The following TLE2 variants were observed in gnomAD, a reference collection of about 807,000 sequenced individuals.
TLE2 encodes the protein transducin-like enhancer protein 2.
In TLE2, 74 loss-of-function variants were observed where a neutral mutation model predicts 97.2. The observed-to-expected ratio is 0.76, with a 90% confidence interval of 0.63 to 0.92. TLE2 has a LOEUF of 0.92. Ranked by LOEUF, TLE2 falls within the 40% of genes least tolerant of loss-of-function variation. The pLI, the probability that TLE2 is intolerant of heterozygous loss-of-function variation, is 0.00. For synonymous variants in TLE2, 499 were observed against 432.1 expected (o/e 1.15, Z -1.92); for missense variants, 1,038 against 1,008.7 (o/e 1.03, Z -0.39).
At chr19:3,033,279 TG>T (rs1410703165), upstream of TLE2, among the ~76,000 whole-genome samples, 2 of 152,118 alleles carry the variant, frequency 1.3e-5, no homozygotes, top group Non-Finnish European at 2.9e-5. Flanking sequence ...ACCATTCTCC[TG>T]CCTCAGCCTC....
At chr19:3,016,304 A>G (rs910055746) in intron 8 of TLE2, among the ~76,000 whole-genome samples, 4 of 148,278 alleles carry the variant, frequency 2.7e-5, no homozygotes, top group African/African-American at 7.4e-5. Context: ...GGCCGGGCGC[A>G]GTGGCTCACG....
At position 3,019,749 on chromosome 19, in the gene TLE2, C is replaced by T. The variant is rs367969324; in HGVS notation, c.319G>A (p.Val107Ile). The stretch of plus-strand genomic sequence containing the variant: ...ACGGTGACCTGCTTGGCGCGTTCTA[C>T]GGCCTGGAGCACCTGCTGCTGATGC... ...QEHQQQVLQAVERAKQVTVGE... is the reference protein window; with the variant it reads ...QEHQQQVLQAIERAKQVTVGE... Residue 107 changes from valine to isoleucine, a missense_variant, in exon 6 of 20, where the codon GTA (valine) becomes ATA (isoleucine). Coordinates refer to ENST00000262953, the MANE Select transcript of TLE2 (RefSeq NM_003260.5). The surrounding 1 kb of genome is among the most constrained non-coding windows in gnomAD (Gnocchi z 5.1). The T allele has an allele frequency of 2.5e-5, 40 of 1,612,972 alleles. No homozygotes were observed. Among genetic ancestry groups the T allele is most frequent in the East Asian group, 4.5e-5 (2 of 44,872 alleles).
chr19:3,044,308 C>G (rs373540128), intron 1 of TLE2, among the ~76,000 whole-genome samples: 1 of 152,194 alleles, frequency 6.6e-6, no homozygotes, highest in Non-Finnish European at 1.5e-5. Flanking sequence ...CTGGGTGTGC[C>G]GCCCCTTTGC....
rs2089997385 is a variant in TLE2, at chr19:3,029,184, C to A, written c.-280G>T. 31 of 713,730 alleles carry A rather than the reference C, an allele frequency of 4.3e-5. No individual in the cohort carries two copies. The highest frequency in any genetic ancestry group is 5.3e-5 in the Non-Finnish European group (31 of 585,050). 44.2% of individuals were successfully genotyped at this position (713,730 alleles called of 1,614,324 possible). A position where few individuals can be genotyped will look rare whatever the true frequency, so the allele number is the denominator to read the frequency against. On this transcript the variant is annotated 5_prime_UTR_variant, in exon 1 of 20. Coordinates refer to ENST00000262953, the MANE Select transcript of TLE2 (RefSeq NM_003260.5). ...GCGCGGCGAGGGCGGCCGCGGCAGC[C>A]GGCGCAGAAGGTCGGGCGCGCCGCG...
chr19:3,033,403 G>A (rs1157978684), upstream of TLE2, among the ~76,000 whole-genome samples: 1 of 151,940 alleles, frequency 6.6e-6, no homozygotes, highest in Non-Finnish European at 1.5e-5. Flanking sequence ...TCCTGACCTC[G>A]TGATCCGCCC....
At chr19:2,998,237 A>ATTG (rs1396605311) in intron 19 of TLE2, among the ~76,000 whole-genome samples, 1 of 121,406 alleles carries the variant, frequency 8.2e-6, no homozygotes, top group Non-Finnish European at 1.6e-5. Flanking sequence ...CGCCCGGCCA[A>ATTG]TGTGTGTGTG....
chr19:3,017,508 T>C (rs543172307), intron 8 of TLE2, among the ~76,000 whole-genome samples: 1 of 147,474 alleles, frequency 6.8e-6, no homozygotes, highest in African/African-American at 2.5e-5. Flanking sequence ...TGGAGTGCAG[T>C]GGCACGATCA....
At chr19:3,005,173 C>G (rs2089446363) in intron 17 of TLE2, among the ~76,000 whole-genome samples, 1 of 152,152 alleles carries the variant, frequency 6.6e-6, no homozygotes, top group Admixed American at 6.6e-5. Context: ...AAGGGTATGG[C>G]TGGACAAAAG....
chr19:3,017,596 A>G (rs2089739947), intron 8 of TLE2, among the ~76,000 whole-genome samples: 1 of 151,550 alleles, frequency 6.6e-6, no homozygotes, highest in Non-Finnish European at 1.5e-5. Context: ...CACAACAGGC[A>G]TGGACCACCA....
Position 3,019,865 on chromosome 19 carries a change from C to A in TLE2, c.295-92G>T. 6.8e-7 allele frequency: 1 copy of A among 1,465,464 alleles called. No individual in the cohort carries two copies. The highest frequency in any genetic ancestry group is 9.2e-7 in the Non-Finnish European group (1 of 1,081,488). 90.8% of individuals were successfully genotyped at this position (1,465,464 alleles called of 1,614,324 possible). On this transcript the variant is annotated intron_variant, in intron 5 of 19. Coordinates refer to ENST00000262953, the MANE Select transcript of TLE2 (RefSeq NM_003260.5). This position sits in a 1 kb window ranked among gnomAD's most constrained non-coding sequence, Gnocchi z 5.1. Reference sequence around the variant, plus strand: ...GGACCTGACCTCTCCCCGCCACCCTCTCATCTTTGCCCCGGTACTTCCCAT... The same window carrying A: ...GGACCTGACCTCTCCCCGCCACCCTATCATCTTTGCCCCGGTACTTCCCAT...
intron 1 of TLE2, among the ~76,000 whole-genome samples, chr19:3,036,016 C>T (rs907583146): frequency 1.3e-5 from 2 of 152,218 alleles, no homozygotes; most frequent in East Asian, 3.8e-4. Context: ...GCAGAGGTTG[C>T]ATCTTTCTCC....
chr19:3,029,564 G>T (rs1337468696), upstream of TLE2: 2 of 801,468 alleles, frequency 2.5e-6, no homozygotes, highest in Non-Finnish European at 3.0e-6. Flanking sequence ...GGAGCGGGGG[G>T]GGGGGCTTGC....
chr19:3,013,920 T>C, intron 10 of TLE2, 102 bp from the exon 11 acceptor site: 1 of 1,133,608 alleles, frequency 8.8e-7, no homozygotes, highest in South Asian at 3.3e-5. Flanking sequence ...CTAGAATGGG[T>C]ACCCATGACC....
intron 11 of TLE2, among the ~76,000 whole-genome samples, chr19:3,011,887 C>T (rs1168993195): frequency 1.3e-5 from 2 of 151,184 alleles, no homozygotes; most frequent in African/African-American, 4.9e-5. Flanking sequence ...AACAAAGTTA[C>T]AAAGTTATAG....
In TLE2 at chr19:3,019,164, T is replaced by C. The variant is rs2089782805; in HGVS notation, c.550+119A>G. 1.4e-6 allele frequency: 2 copies of C among 1,396,200 alleles called. No individual in the cohort carries two copies. Among genetic ancestry groups the C allele is most frequent in the Non-Finnish European group, 1.9e-6 (2 of 1,042,814 alleles). The allele number at this position is 1,396,200 out of a possible 1,614,324, so 86.5% of individuals were successfully genotyped here. Reference sequence around the variant, plus strand: ...CCTCCCGCCTCGGCCTCCCAAATTGTTGGGATTATAGGCATGAGCCACTTC... The same window carrying C: ...CCTCCCGCCTCGGCCTCCCAAATTGCTGGGATTATAGGCATGAGCCACTTC... On this transcript the variant is annotated intron_variant, in intron 7 of 19. Transcript: ENST00000262953. The surrounding 1 kb of genome is among the most constrained non-coding windows in gnomAD (Gnocchi z 5.1).
rs967741781 is a variant in TLE2 at position 3,028,618 on chromosome 19, C to T, written c.122+88G>A. 1.8e-5 allele frequency: 26 copies of T among 1,468,496 alleles called. No individual in the cohort carries two copies. The Admixed American group carries it at 4.5e-4, about 25-fold the overall frequency. 91.0% of individuals were successfully genotyped at this position (1,468,496 alleles called of 1,614,324 possible). Reference sequence around the variant, plus strand: ...GTCGCGCCCCCCCTCCAACCGGGAGCCCCTCCTCCCCGCCCTATACCCCGG... The same window carrying T: ...GTCGCGCCCCCCCTCCAACCGGGAGTCCCTCCTCCCCGCCCTATACCCCGG... On this transcript the variant is annotated intron_variant, in intron 2 of 19. Coordinates refer to ENST00000262953, the MANE Select transcript of TLE2 (RefSeq NM_003260.5).
chr19:3,032,304 G>A (rs956016034), upstream of TLE2, among the ~76,000 whole-genome samples: 3 of 151,900 alleles, frequency 2.0e-5, no homozygotes, highest in African/African-American at 7.3e-5. This position sits in a 1 kb window ranked among gnomAD's most constrained non-coding sequence, Gnocchi z 4.1. Context: ...GCGTGATCTC[G>A]GCTCACTGCT....
At chr19:3,042,108 T>C (rs1599258035) in intron 1 of TLE2, among the ~76,000 whole-genome samples, 1 of 114,010 alleles carries the variant, frequency 8.8e-6, no homozygotes, top group Non-Finnish European at 1.8e-5. Context: ...GCAGGGAGCG[T>C]GGGGACCGCC....
At chr19:3,023,691 G>A (rs921299567) in intron 5 of TLE2, among the ~76,000 whole-genome samples, 11 of 151,914 alleles carry the variant, frequency 7.2e-5, no homozygotes, top group Admixed American at 4.6e-4. Flanking sequence ...CCGGGGGTTC[G>A]AGACCAGCCC....
Sources: gnomAD v4.1 joint callset for allele counts (sites outside exome capture counted in the v4.1 genomes callset) on GRCh38, gnomAD v4.1.1 for gene constraint, Gnocchi (gnomAD v3.1) non-coding constraint, MANE v1.5 for transcripts, NCBI Gene and HGNC (gene_info 2026-07-23, HGNC 2026-07-21) for gene names.